SRGAP1: variants seen among roughly 807,000 people sequenced by gnomAD.
The protein encoded by SRGAP1 is SLIT-ROBO Rho GTPase-activating protein 1.
Under a neutral mutation model 121.9 loss-of-function variants are expected in SRGAP1, and 43 were observed. The observed-to-expected ratio is 0.35, with a 90% confidence interval of 0.28 to 0.46. SRGAP1 has a LOEUF of 0.46. Among genes scored for constraint, SRGAP1 ranks in the 20% least tolerant of loss-of-function variants. The probability of loss-of-function intolerance (pLI) is 1.00; values close to 1 mark genes in which losing one functional copy is unlikely to be tolerated. For missense variants in SRGAP1, 1,102 were observed against 1,350.9 expected (o/e 0.82, Z 2.89); for synonymous variants, 447 against 485.4 (o/e 0.92, Z 1.04).
At chr12:64,017,900 C>T (rs945471258) in intron 4 of SRGAP1, among the ~76,000 whole-genome samples, 1 of 151,812 alleles carries the variant, frequency 6.6e-6, no homozygotes, top group African/African-American at 2.4e-5. Context: ...AAATAACTAA[C>T]ACCTAATGAT....
intron 1 of SRGAP1, among the ~76,000 whole-genome samples, chr12:63,872,698 G>GT (rs1484974521): frequency 6.6e-6 from 1 of 152,132 alleles, no homozygotes; most frequent in Admixed American, 6.5e-5. Flanking sequence ...ACAGGGATTT[G>GT]TTTTTTTATT....
intron 6 of SRGAP1, among the ~76,000 whole-genome samples, chr12:64,049,242 C>T (rs2035191507): frequency 1.3e-5 from 2 of 152,284 alleles, no homozygotes; most frequent in African/African-American, 4.8e-5. Context: ...TTTCCCAGAA[C>T]ATTTATTGAA....
chr12:64,155,860 C>G lies in SRGAP1; in HGVS notation c.*13188C>G, dbSNP rs914651711. The G allele has an allele frequency of 6.6e-6, 1 of 152,182 alleles. No individual in the cohort carries two copies. The highest frequency in any genetic ancestry group is 6.5e-5 in the Admixed American group (1 of 15,286). The allele number at this position is 152,182 out of a possible 1,614,324, so 9.4% of individuals were successfully genotyped here. On this transcript the variant is annotated 3_prime_UTR_variant, in exon 22 of 22. Transcript: ENST00000355086. Reference sequence around the variant, plus strand: ...ATGTTGGCCAGGCTGGTCTTGAACTCCTGACCTCAGGTGATCCACCCGCCT... The same window carrying G: ...ATGTTGGCCAGGCTGGTCTTGAACTGCTGACCTCAGGTGATCCACCCGCCT...
intron 1 of SRGAP1, among the ~76,000 whole-genome samples, chr12:63,922,576 C>G (rs1002946590): frequency 3.9e-5 from 6 of 152,184 alleles, no homozygotes; most frequent in Non-Finnish European, 5.9e-5. Context: ...CTACTTCAAC[C>G]TACTTTTCCA....
chr12:63,997,966 G>A (rs776266727), intron 3 of SRGAP1, among the ~76,000 whole-genome samples: 7 of 151,992 alleles, frequency 4.6e-5, no homozygotes, highest in East Asian at 3.9e-4. Flanking sequence ...TAATTATTTC[G>A]ACTTCAAGCA....
At chr12:64,062,497 A>C (rs1593090571) in intron 6 of SRGAP1, among the ~76,000 whole-genome samples, 1 of 149,628 alleles carries the variant, frequency 6.7e-6, no homozygotes, top group Non-Finnish European at 1.5e-5. Context: ...TTCTCTTTTC[A>C]CTCTCTTGAT....
chr12:63,977,282 G>C (rs1378565581), intron 1 of SRGAP1, among the ~76,000 whole-genome samples: 1 of 152,150 alleles, frequency 6.6e-6, no homozygotes, highest in East Asian at 1.9e-4. Flanking sequence ...CCTTTGGATA[G>C]AGGTAATAAT....
At chr12:63,955,330 TAAATA>T (rs2032431117) in intron 1 of SRGAP1, among the ~76,000 whole-genome samples, 1 of 151,970 alleles carries the variant, frequency 6.6e-6, no homozygotes, top group Admixed American at 6.6e-5. Context: ...AGAAAAAAAA[TAAATA>T]AAAATAAAAA....
rs1274003259 is a variant in SRGAP1, at chr12:64,156,226, G to A, written c.*13554G>A. 2.6e-5 allele frequency: 4 copies of A among 151,916 alleles called. No homozygotes were observed. The highest frequency in any genetic ancestry group is 9.7e-5 in the African/African-American group (4 of 41,350). The allele number at this position is 151,916 out of a possible 1,614,324, so 9.4% of individuals were successfully genotyped here. On this transcript the variant is annotated 3_prime_UTR_variant, in exon 22 of 22. Coordinates refer to ENST00000355086, the MANE Select transcript of SRGAP1 (RefSeq NM_020762.4). ...TTTTAAAGACATTTTATTCTTTTTT[G>A]TCTTCATCAGAATTTATTGAATCCT...
At chr12:63,910,725 G>A (rs184935166) in intron 1 of SRGAP1, among the ~76,000 whole-genome samples, 149 of 152,258 alleles carry the variant, frequency 9.8e-4, no homozygotes, top group Non-Finnish European at 1.8e-3. Context: ...GTGGTTATAG[G>A]TACACCATAA....
At chr12:63,944,847 C>T (rs963859019) in intron 1 of SRGAP1, among the ~76,000 whole-genome samples, 1 of 152,190 alleles carries the variant, frequency 6.6e-6, no homozygotes, top group Non-Finnish European at 1.5e-5. Flanking sequence ...GCATGCTGCA[C>T]AGTGAGGCAC....
chr12:63,846,800 C>T (rs1004861406), intron 1 of SRGAP1, among the ~76,000 whole-genome samples: 1 of 152,166 alleles, frequency 6.6e-6, no homozygotes, highest in Non-Finnish European at 1.5e-5. Flanking sequence ...TACATCCATA[C>T]ACAAACATGG....
intron 1 of SRGAP1, among the ~76,000 whole-genome samples, chr12:63,871,519 C>T (rs189250960): frequency 7.0e-4 from 107 of 152,270 alleles, no homozygotes; most frequent in Admixed American, 5.8e-3. Flanking sequence ...CTACAGTTAC[C>T]GCCAGCTCTT....
At chr12:63,989,220 A>G (rs1165474575) in intron 2 of SRGAP1, among the ~76,000 whole-genome samples, 1 of 152,224 alleles carries the variant, frequency 6.6e-6, no homozygotes. Flanking sequence ...TGCTGTTTAT[A>G]TTAACTTTTA....
chr12:63,883,397 T>C (rs55925626), intron 1 of SRGAP1, among the ~76,000 whole-genome samples: 2,992 of 152,292 alleles, frequency 0.02, 49 homozygotes, highest in Middle Eastern at 0.058. Flanking sequence ...AAAACTTGCT[T>C]TTTGTTCGTT....
chr12:64,043,695 A>C, intron 6 of SRGAP1, 120 bp downstream of exon 6: 2 of 713,568 alleles, frequency 2.8e-6, no homozygotes, highest in Non-Finnish European at 4.3e-6. Context: ...ACTCAAAAAG[A>C]AAAAAATACT....
At chr12:63,911,982 G>A (rs2030521916) in intron 1 of SRGAP1, among the ~76,000 whole-genome samples, 1 of 152,174 alleles carries the variant, frequency 6.6e-6, no homozygotes, top group South Asian at 2.1e-4. Flanking sequence ...AAATGATGTT[G>A]GAGAAATAGT....
In SRGAP1 at chr12:64,070,137, G is replaced by A. The variant is rs1015688977; in HGVS notation, c.1125+4918G>A. 2.0e-5 allele frequency among the ~76,000 whole-genome samples: 3 copies of A among 152,260 alleles called. No individual in the cohort carries two copies. In the East Asian group the frequency reaches 5.8e-4, roughly 29 times the overall value. On this transcript the variant is annotated intron_variant, in intron 8 of 21. Transcript: ENST00000355086. ...ACCTTTCTCATTATAAACATTTATT[G>A]CACTGTCTTGTCTGCTTTATCAAAG...
chr12:63,928,832 C>T (rs908043298), intron 1 of SRGAP1, among the ~76,000 whole-genome samples: 2 of 152,282 alleles, frequency 1.3e-5, no homozygotes, highest in African/African-American at 4.8e-5. Context: ...ATTAGATTCT[C>T]ATAAGAAACC....
Sources: allele counts gnomAD v4.1 joint callset (sites outside exome capture counted in the v4.1 genomes callset), GRCh38; gene constraint gnomAD v4.1.1; transcripts MANE v1.5; gene names NCBI Gene and HGNC (gene_info 2026-07-23, HGNC 2026-07-21).